The following IQCJ variants were observed in gnomAD, a reference collection of about 807,000 sequenced individuals.
IQCJ encodes the protein IQ motif containing J.
A neutral mutation model predicts 11.0 loss-of-function variants in IQCJ; 9 were observed. That is an observed-to-expected ratio of 0.82 (90% confidence interval 0.49 to 1.43). The LOEUF is 1.43. IQCJ is among the 40% of genes most tolerant of loss of function. The probability of loss-of-function intolerance (pLI) is 0.00; values close to 1 mark genes in which losing one functional copy is unlikely to be tolerated. For missense variants in IQCJ, 146 were observed against 133.2 expected (o/e 1.10, Z -0.47); for synonymous variants, 55 against 51.3 (o/e 1.07, Z -0.31).
At chr3:159,162,886 C>A (rs1217093237) in intron 1 of IQCJ, among the ~76,000 whole-genome samples, 9 of 152,200 alleles carry the variant, frequency 5.9e-5, no homozygotes, top group Non-Finnish European at 7.3e-5. Context: ...GAAGTTGAAT[C>A]TCTGAATAGA....
At chr3:159,126,686 A>T (rs188952136) in intron 1 of IQCJ, among the ~76,000 whole-genome samples, 1 of 152,352 alleles carries the variant, frequency 6.6e-6, no homozygotes, top group African/African-American at 2.4e-5. Context: ...AGTGGATGAG[A>T]GCACACCCAA....
chr3:159,145,336 T>C (rs185751069), intron 1 of IQCJ, among the ~76,000 whole-genome samples: 261 of 152,354 alleles, frequency 1.7e-3, no homozygotes, highest in Non-Finnish European at 3.1e-3. Context: ...CATCTACCCA[T>C]GCATAGAGTT....
chr3:159,075,051 A>G (rs990479854), intron 1 of IQCJ, among the ~76,000 whole-genome samples: 2 of 152,186 alleles, frequency 1.3e-5, no homozygotes, highest in East Asian at 3.9e-4. Context: ...TTTGCAAATA[A>G]AGATTCACAT....
intron 1 of IQCJ, among the ~76,000 whole-genome samples, chr3:159,147,767 T>C (rs1560003194): frequency 6.6e-6 from 1 of 152,240 alleles, no homozygotes; most frequent in Non-Finnish European, 1.5e-5. Context: ...CTTGTCAACA[T>C]AATTCATGGT....
At chr3:159,071,288 T>C (rs1715544204) in intron 1 of IQCJ, among the ~76,000 whole-genome samples, 1 of 152,022 alleles carries the variant, frequency 6.6e-6, no homozygotes, top group African/African-American at 2.4e-5. Context: ...ATTAAAAATC[T>C]GTGTAGGCTA....
intron 1 of IQCJ, among the ~76,000 whole-genome samples, chr3:159,073,754 C>A (rs976710304): frequency 1.3e-5 from 2 of 152,062 alleles, no homozygotes; most frequent in African/African-American, 4.8e-5. Flanking sequence ...TCATTGGTTC[C>A]CTGTAGCCTA....
rs368929112 is a variant in IQCJ at position 159,200,030 on chromosome 3, C to CTATATATATATATA, written c.10-45808_10-45795dup. 3.8e-3 allele frequency among the ~76,000 whole-genome samples: 457 copies of CTATATATATATATA among 119,642 alleles called. 4 individuals are homozygous for CTATATATATATATA. In the East Asian group the frequency reaches 0.039, roughly 10 times the overall value. The allele number at this position is 119,642 out of a possible 152,430, so 78.5% of individuals were successfully genotyped here. ...TAAGATTGTTATAAGGAGTAAACGA[C>CTATATATATATATA]TATATATATATATATATAAATCTAA... On this transcript the variant is annotated intron_variant, in intron 1 of 3. Transcript: ENST00000397832.
At chr3:159,107,396 G>C (rs557843409) in intron 1 of IQCJ, among the ~76,000 whole-genome samples, 1 of 152,094 alleles carries the variant, frequency 6.6e-6, no homozygotes, top group African/African-American at 2.4e-5. Flanking sequence ...CTTAATCTTG[G>C]ACTTTCCCTT....
At chr3:159,185,694 A>G (rs1048701827) in intron 1 of IQCJ, among the ~76,000 whole-genome samples, 1 of 152,206 alleles carries the variant, frequency 6.6e-6, no homozygotes, top group African/African-American at 2.4e-5. Context: ...GGAGGCCTCA[A>G]TTCCTTTCCG....
At chr3:159,252,199 A>C (rs2108213532) in intron 2 of IQCJ, among the ~76,000 whole-genome samples, 1 of 152,304 alleles carries the variant, frequency 6.6e-6, no homozygotes, top group Middle Eastern at 3.4e-3. Flanking sequence ...TAGCACTAAG[A>C]GTGCTATAAG....
chr3:159,128,516 A>G (rs931150501), intron 1 of IQCJ, among the ~76,000 whole-genome samples: 9 of 152,182 alleles, frequency 5.9e-5, no homozygotes, highest in Non-Finnish European at 1.2e-4. Flanking sequence ...CTGTTGGGAT[A>G]CCCATTCTCA....
rs1023606616 is a variant in IQCJ at position 159,149,182 on chromosome 3, G to A, written c.9+79741G>A. ...TGACTTTTCTTCCGGTGCTCACACG[G>A]GCACAATCCTGGACAGATTCTGCTT... On this transcript the variant is annotated intron_variant, in intron 1 of 3. Transcript: ENST00000397832. 8.5e-5 allele frequency among the ~76,000 whole-genome samples: 13 copies of A among 152,064 alleles called. 1 individual carries two copies. Among genetic ancestry groups the A allele is most frequent in the Admixed American group, 6.5e-5 (1 of 15,274 alleles).
At chr3:159,126,235 G>A (rs1171626859) in intron 1 of IQCJ, among the ~76,000 whole-genome samples, 2 of 152,174 alleles carry the variant, frequency 1.3e-5, no homozygotes, top group East Asian at 3.9e-4. Context: ...TGTGACCCCA[G>A]GCTAGCTATT....
At chr3:159,083,905 A>C (rs1716507541) in intron 1 of IQCJ, among the ~76,000 whole-genome samples, 1 of 152,114 alleles carries the variant, frequency 6.6e-6, no homozygotes, top group African/African-American at 2.4e-5. Flanking sequence ...CAAGTTGGGA[A>C]AAGAAGAGGG....
At chr3:159,141,077 T>G (rs536368713) in intron 1 of IQCJ, among the ~76,000 whole-genome samples, 1 of 152,170 alleles carries the variant, frequency 6.6e-6, no homozygotes, top group East Asian at 1.9e-4. Context: ...GCAAGACACA[T>G]AAGAGAACAA....
intron 1 of IQCJ, among the ~76,000 whole-genome samples, chr3:159,174,664 C>G (rs1309558856): frequency 6.6e-6 from 1 of 152,028 alleles, no homozygotes; most frequent in Non-Finnish European, 1.5e-5. Context: ...TGATCTTTAT[C>G]CTAAAGTTGG....
chr3:159,161,107 A>ATCCACT (rs1182337991), intron 1 of IQCJ, among the ~76,000 whole-genome samples: 2 of 152,218 alleles, frequency 1.3e-5, no homozygotes, highest in Non-Finnish European at 2.9e-5. Flanking sequence ...GAATCGCCAC[A>ATCCACT]TCCACTTCCA....
intron 1 of IQCJ, among the ~76,000 whole-genome samples, chr3:159,130,694 G>C (rs1719941080): frequency 2.0e-5 from 3 of 152,134 alleles, no homozygotes; most frequent in African/African-American, 7.2e-5. Flanking sequence ...TTTCCTGTAT[G>C]TCAGGAAGCA....
At chr3:159,120,661 AGTTT>A (rs1274839381) in intron 1 of IQCJ, among the ~76,000 whole-genome samples, 1 of 152,190 alleles carries the variant, frequency 6.6e-6, no homozygotes, top group Non-Finnish European at 1.5e-5. Flanking sequence ...CTGGACTTGA[AGTTT>A]GTTGAATGTG....
Sources: gnomAD v4.1 joint callset for allele counts (sites outside exome capture counted in the v4.1 genomes callset) on GRCh38, gnomAD v4.1.1 for gene constraint, MANE v1.5 for transcripts, NCBI Gene and HGNC (gene_info 2026-07-23, HGNC 2026-07-21) for gene names.